The following SYNE1 variants were observed in gnomAD, a reference collection of about 807,000 sequenced individuals.
SYNE1 encodes the protein spectrin repeat containing nuclear envelope protein 1.
SYNE1 carries 616 observed loss-of-function variants against 1,111.0 expected under a neutral mutation model. The ratio of observed to expected loss-of-function variants is 0.55; its 90% CI spans 0.52 to 0.59. The LOEUF is 0.59. Among genes scored for constraint, SYNE1 ranks in the 20% least tolerant of loss-of-function variants. The pLI is 0.00. For synonymous variants in SYNE1, 3,855 were observed against 3,825.8 expected, an observed-to-expected ratio of 1.01 and a Z score of -0.28; for missense variants, 10,006 against 10,417.0, an observed-to-expected ratio of 0.96 and a Z score of 1.72.
At position 152,387,879 on chromosome 6, in the gene SYNE1, C is replaced by T. The variant is rs556103218; in HGVS notation, c.8178-498G>A. ...AGGTTGATTTTCATTTGGGGACACA[C>T]ACACACACACAATATACAGTGCTTT... is the stretch of plus-strand genomic sequence containing the variant. On this transcript the variant is annotated intron_variant, in intron 53 of 145. Transcript: ENST00000367255. Among the ~76,000 whole-genome samples, 3 of 152,272 alleles carry T rather than the reference C, an allele frequency of 2.0e-5. No individual in the cohort carries two copies. In the East Asian group the frequency reaches 5.8e-4, roughly 29 times the overall value.
At position 152,409,202 on chromosome 6, in the gene SYNE1, T is replaced by G. The variant is rs1477182641; in HGVS notation, c.6406A>C (p.Asn2136His). The change falls in exon 44 of 146, where the codon AAT becomes CAT. Residue 2136 changes from asparagine to histidine, a missense_variant. Transcript: ENST00000367255. Reference sequence around the variant, plus strand: ...TTATCCAAGTCTTTCTGTTTGTAATTCATTTTGTTCTTGGCAGTTTCATGC... The same window carrying G: ...TTATCCAAGTCTTTCTGTTTGTAATGCATTTTGTTCTTGGCAGTTTCATGC... ...SKHETAKNKM[N>H]YKQKDLDNFT... 1.9e-6 allele frequency: 3 copies of G among 1,614,034 alleles called. No homozygotes were observed. The East Asian group carries it at 6.7e-5, about 36-fold the overall frequency.
Position 152,387,252 on chromosome 6 carries a change from C to G in SYNE1, c.8307G>C (p.Lys2769Asn). 1 of 1,614,174 alleles carries G rather than the reference C, an allele frequency of 6.2e-7. No homozygotes were observed. The highest frequency in any genetic ancestry group is 1.1e-5 in the South Asian group (1 of 91,080). The stretch of plus-strand genomic sequence containing the variant: ...ACTGGAGGTGGTCAAGCAGGACGAA[C>G]TTCTCTTTCAGACCTGGCTGTGGTT... The part of the protein sequence containing the change: ...PLQPQPGLKE[K>N]FVLLDHLQSI... The change falls in exon 54 of 146, where the codon AAG becomes AAC. Residue 2769 changes from lysine to asparagine, a missense_variant. By Grantham distance (94) the Lys-to-Asn change is moderately conservative. Around this residue, in one of 7 missense-constraint regions of SYNE1, gnomAD observed 4,955 missense variants for 5,017.2 expected, o/e 0.99. Transcript: ENST00000367255.
chr6:152,417,447 A>G lies in SYNE1; in HGVS notation c.5422-432T>C, dbSNP rs528969312. Among the ~76,000 whole-genome samples, 172 of 152,268 alleles carry G rather than the reference A, an allele frequency of 1.1e-3. 1 individual carries two copies. Among genetic ancestry groups the G allele is most frequent in the East Asian group, 1.9e-3 (10 of 5,176 alleles). ...CGGGAGGCGGAGCTTGCAGTGAGCC[A>G]AGATTGCACCACTGCACTCCAGCCT... is the stretch of plus-strand genomic sequence containing the variant. On this transcript the variant is annotated intron_variant, in intron 40 of 145. Transcript: ENST00000367255.
intron 131 of SYNE1, among the ~76,000 whole-genome samples, chr6:152,158,412 C>T (rs2061778994): frequency 6.6e-6 from 1 of 152,122 alleles, no homozygotes; most frequent in Admixed American, 6.6e-5. Flanking sequence ...GTTGCTCTTC[C>T]TCTTATTTTT....
intron 128 of SYNE1, among the ~76,000 whole-genome samples, chr6:152,188,119 C>A (rs2070782096): frequency 6.6e-6 from 1 of 152,164 alleles, no homozygotes. Context: ...AGTCTCAGAT[C>A]AAGTTTAAAC....
At chr6:152,437,389 C>G (rs215003) in intron 32 of SYNE1, among the ~76,000 whole-genome samples, 78,208 of 151,952 alleles carry the variant, frequency 0.51, 22,257 homozygotes, top group African/African-American at 0.75. Flanking sequence ...AGATGATAAT[C>G]CTTTTCTTAG....
intron 145 of SYNE1, among the ~76,000 whole-genome samples, chr6:152,124,190 C>A (rs1036070774): frequency 5.9e-5 from 9 of 152,144 alleles, no homozygotes; most frequent in African/African-American, 2.2e-4. Context: ...CCTGTAGTCC[C>A]AGTCACTTGG....
At chr6:152,302,185 A>C (rs2095210140) in intron 91 of SYNE1, 122 bp from the exon 92 acceptor site, 1 of 1,312,826 alleles carries the variant, frequency 7.6e-7, no homozygotes, top group East Asian at 2.3e-5. Flanking sequence ...CCCGGGAGGC[A>C]GGATGTGTAG....
chr6:152,597,941 C>T (rs563457557), intron 3 of SYNE1, among the ~76,000 whole-genome samples: 6 of 152,068 alleles, frequency 3.9e-5, no homozygotes, highest in Admixed American at 1.3e-4. Flanking sequence ...AATTGATCCA[C>T]GAGCTCCATC....
At chr6:152,457,089 ATGAAAGATAATCTC>A (rs1417425733) in intron 22 of SYNE1, among the ~76,000 whole-genome samples, 1 of 152,184 alleles carries the variant, frequency 6.6e-6, no homozygotes, top group Non-Finnish European at 1.5e-5. Context: ...ATGTCTAAAA[ATGAAAGATAATCTC>A]TATCCAATAC....
At chr6:152,319,073 C>G in intron 84 of SYNE1, 58 bp from the exon 85 acceptor site, 1 of 1,601,316 alleles carries the variant, frequency 6.2e-7, no homozygotes, top group Non-Finnish European at 8.5e-7. Flanking sequence ...ATAATAGATA[C>G]TAAAAATCTC....
chr6:152,453,102 G>C (rs1444939868), intron 25 of SYNE1, among the ~76,000 whole-genome samples: 3 of 152,084 alleles, frequency 2.0e-5, no homozygotes, highest in Admixed American at 1.3e-4. Flanking sequence ...TTAAGCTCTT[G>C]GGGGGAAGAG....
chr6:152,138,512 A>AAAATAAATAAAT (rs200341649), intron 140 of SYNE1, among the ~76,000 whole-genome samples: 4 of 141,778 alleles, frequency 2.8e-5, no homozygotes, highest in Admixed American at 7.1e-5. Context: ...CTCTGTCTCA[A>AAAATAAATAAAT]AAATAAATAA....
At chr6:152,397,044 G>A (rs1200003993) in intron 49 of SYNE1, 64 bp from the exon 50 acceptor site, 3 of 1,533,206 alleles carry the variant, frequency 2.0e-6, no homozygotes, top group Non-Finnish European at 2.7e-6. Flanking sequence ...AGCTGAAGTA[G>A]TAAAGCAGGA....
chr6:152,294,079 C>A lies in SYNE1; in HGVS notation c.17731G>T (p.Ala5911Ser). The change falls in exon 94 of 146, where the codon GCT (alanine) becomes TCT (serine). Residue 5911 changes from alanine to serine, a missense_variant. Coordinates refer to ENST00000367255, the MANE Select transcript of SYNE1 (RefSeq NM_182961.4). ...GATGTGCTGGGGTGAATTTTTGCAG[C>A]ATCTGTCTGCAACCTCTCAGCAGAC... Reference protein sequence around the residue: ...ALSAERLQTDAAKIHPSTSAS... With the variant: ...ALSAERLQTDSAKIHPSTSAS... 1 of 1,613,806 alleles carries A rather than the reference C, an allele frequency of 6.2e-7. No homozygotes were observed. The highest frequency in any genetic ancestry group is 8.5e-7 in the Non-Finnish European group (1 of 1,179,998).
At chr6:152,218,189 C>T in intron 121 of SYNE1, 68 bp downstream of exon 121, 2 of 1,570,380 alleles carry the variant, frequency 1.3e-6, no homozygotes, top group Non-Finnish European at 8.8e-7. Context: ...GAGACTCCAT[C>T]TCAAAAAAAA....
intron 28 of SYNE1, among the ~76,000 whole-genome samples, chr6:152,448,675 C>T (rs762194201): frequency 9.9e-5 from 15 of 152,096 alleles, no homozygotes; most frequent in Non-Finnish European, 1.9e-4. Flanking sequence ...AACCCTACCT[C>T]TACAAAAAAT....
In SYNE1 at chr6:152,310,725, A is replaced by C. The variant is rs765080468; in HGVS notation, c.16859T>G (p.Ile5620Ser). 1.8e-5 allele frequency: 29 copies of C among 1,613,064 alleles called. No homozygotes were observed. The highest frequency in any genetic ancestry group is 2.5e-5 in the Non-Finnish European group (29 of 1,179,876). The change falls in exon 88 of 146, where the codon ATC (isoleucine) becomes AGC (serine). Residue 5620 changes from isoleucine to serine, a missense_variant. By Grantham distance (142) the Ile-to-Ser change is moderately radical. This residue lies in a region of SYNE1 where 4,955 missense variants were observed against 5,017.2 expected (regional missense o/e 0.99). Coordinates refer to ENST00000367255, the MANE Select transcript of SYNE1 (RefSeq NM_182961.4). ...GRETEELRQM[I>S]KIRLQNLQDA... ...TTGGAGGTTCTGCAAACGAATTTTG[A>C]TCATCTGTCGCAACTCCTCAGTCTC...
chr6:152,131,608 G>A (rs1308331548), intron 144 of SYNE1, among the ~76,000 whole-genome samples: 1 of 152,176 alleles, frequency 6.6e-6, no homozygotes, highest in East Asian at 1.9e-4. Flanking sequence ...TGGGTGAGTT[G>A]TTGCCATTTT....
Sources: allele counts gnomAD v4.1 joint callset (sites outside exome capture counted in the v4.1 genomes callset), GRCh38; gene constraint gnomAD v4.1.1; regional missense constraint gnomAD v4.1.1; transcripts MANE v1.5; gene names NCBI Gene and HGNC (gene_info 2026-07-23, HGNC 2026-07-21).